Variants in MYO16 observed in about 807,000 individuals in gnomAD.
MYO16 encodes unconventional myosin-XVI.
In MYO16, 94 loss-of-function variants were observed where a neutral mutation model predicts 205.3. That is an observed-to-expected ratio of 0.46 (90% CI 0.39 to 0.54). The LOEUF is 0.54. MYO16 is among the 20% of genes least tolerant of loss of function. The probability of loss-of-function intolerance (pLI) is 0.00; values close to 1 mark genes in which losing one functional copy is unlikely to be tolerated. For missense variants in MYO16, 2,315 were observed against 2,387.5 expected, an observed-to-expected ratio of 0.97 and a Z score of 0.63; for synonymous variants, 988 against 954.0, an observed-to-expected ratio of 1.04 and a Z score of -0.66.
intron 4 of MYO16, among the ~76,000 whole-genome samples, chr13:108,736,952 G>A (rs140562934): frequency 8.1e-4 from 124 of 152,286 alleles, no homozygotes; most frequent in African/African-American, 2.8e-3. Context: ...TGTTATTCGT[G>A]TATAAGAATG....
At position 109,141,148 on chromosome 13, in the gene MYO16, C is replaced by A; in HGVS notation, c.4936C>A (p.Pro1646Thr). 1 of 1,602,534 alleles carries A rather than the reference C, an allele frequency of 6.2e-7. No homozygotes were observed. ...PKVHPKPNSA[P>T]VAGPCSSFPK... Reference sequence around the variant, plus strand: ...GGTTCACCCAAAGCCAAACTCTGCCCCCGTGGCCGGGCCCTGCAGCTCCTT... The same window carrying A: ...GGTTCACCCAAAGCCAAACTCTGCCACCGTGGCCGGGCCCTGCAGCTCCTT... The change falls in exon 32 of 35, where the codon CCC (proline) becomes ACC (threonine). Residue 1646 changes from proline (P) to threonine (T), a missense_variant. This residue lies in a region of MYO16 where 1,097 missense variants were observed against 1,092.0 expected (regional missense o/e 1.00). Coordinates refer to ENST00000457511, the MANE Select transcript of MYO16 (RefSeq NM_001198950.3). This position sits in a 1 kb window ranked among gnomAD's most constrained non-coding sequence, Gnocchi z 4.1.
At chr13:109,000,686 A>T (rs557187173) in intron 21 of MYO16, among the ~76,000 whole-genome samples, 13 of 152,310 alleles carry the variant, frequency 8.5e-5, no homozygotes, top group African/African-American at 3.1e-4. Context: ...AGAGCATTTT[A>T]ACCAGAGGTT....
At chr13:108,926,768 C>T (rs1328273307) in intron 16 of MYO16, among the ~76,000 whole-genome samples, 2 of 152,140 alleles carry the variant, frequency 1.3e-5, no homozygotes, top group Non-Finnish European at 2.9e-5. Context: ...TCTTTCCTTA[C>T]TGGAAGAATA....
chr13:108,840,964 C>A (rs567715632), intron 9 of MYO16, among the ~76,000 whole-genome samples: 1 of 152,242 alleles, frequency 6.6e-6, no homozygotes, highest in Non-Finnish European at 1.5e-5. Context: ...GTATTTCAAT[C>A]CTCACCAAAC....
At position 108,841,198 on chromosome 13, in the gene MYO16, C is replaced by T. The variant is rs1163147087; in HGVS notation, c.1098-3145C>T. Among the ~76,000 whole-genome samples, 6 of 152,238 alleles carry T rather than the reference C, an allele frequency of 3.9e-5. No individual in the cohort carries two copies. The South Asian group carries it at 6.2e-4, about 16-fold the overall frequency. On this transcript the variant is annotated intron_variant, in intron 9 of 34. Transcript: ENST00000457511. ...GTGTTGATTTAAGAATGAATGATTA[C>T]ATCAATGAATGATAATGAATGATTA... is the stretch of plus-strand genomic sequence containing the variant.
At chr13:109,120,514 G>A (rs373458886) in intron 29 of MYO16, 48 bp downstream of exon 29, 185 of 1,474,276 alleles carry the variant, frequency 1.3e-4, no homozygotes, top group African/African-American at 5.3e-4. Flanking sequence ...GTTGTGAAAT[G>A]CAAAATCTTT....
chr13:109,060,408 C>G (rs1007402958), intron 27 of MYO16, among the ~76,000 whole-genome samples: 4 of 151,856 alleles, frequency 2.6e-5, no homozygotes, highest in Non-Finnish European at 4.4e-5. Flanking sequence ...ACTGCATGTT[C>G]TCACTCATAA....
chr13:109,103,136 A>G (rs891075378), intron 28 of MYO16, among the ~76,000 whole-genome samples: 5 of 152,190 alleles, frequency 3.3e-5, no homozygotes, highest in Non-Finnish European at 5.9e-5. Flanking sequence ...AAAGGAAAAA[A>G]AGATTTTGTT....
Position 109,162,421 on chromosome 13 carries a change from C to T in MYO16, c.5165-2480C>T, listed in dbSNP as rs1487411618. Among the ~76,000 whole-genome samples the T allele has an allele frequency of 6.6e-6, 1 of 152,136 alleles. No individual in the cohort carries two copies. The highest frequency in any genetic ancestry group is 2.4e-5 in the African/African-American group (1 of 41,418). On this transcript the variant is annotated intron_variant, in intron 32 of 34. Coordinates refer to ENST00000457511, the MANE Select transcript of MYO16 (RefSeq NM_001198950.3). The surrounding 1 kb of genome is among the most constrained non-coding windows in gnomAD (Gnocchi z 4.6). ...GCCCTGACTCATTAGTACCTGGTTTCTTGAACATGGTGAGCTCTTTCCTGC... is the reference window on the plus strand; with the variant it reads ...GCCCTGACTCATTAGTACCTGGTTTTTTGAACATGGTGAGCTCTTTCCTGC...
intron 4 of MYO16, among the ~76,000 whole-genome samples, chr13:108,729,408 A>G (rs1884448749): frequency 1.3e-5 from 2 of 152,192 alleles, no homozygotes; most frequent in African/African-American, 4.8e-5. Context: ...TAGTTGTTTG[A>G]TACATTTTTT....
intron 2 of MYO16, among the ~76,000 whole-genome samples, chr13:108,703,763 T>C (rs1019516075): frequency 1.3e-5 from 2 of 152,166 alleles, no homozygotes; most frequent in African/African-American, 4.8e-5. Context: ...GTTATAAAAT[T>C]CACAAATACA....
intron 32 of MYO16, among the ~76,000 whole-genome samples, chr13:109,145,082 G>A (rs1877267095): frequency 6.6e-6 from 1 of 152,236 alleles, no homozygotes; most frequent in Non-Finnish European, 1.5e-5. Flanking sequence ...TGCAGATGAT[G>A]GATGTGACTG....
chr13:108,944,109 T>A, intron 16 of MYO16, among the ~76,000 whole-genome samples: 1 of 152,212 alleles, frequency 6.6e-6, no homozygotes, highest in East Asian at 1.9e-4. Context: ...TACTTCTGAC[T>A]CTGTCTCGTC....
At chr13:108,869,717 C>A (rs1281135614) in intron 12 of MYO16, among the ~76,000 whole-genome samples, 2 of 112,474 alleles carry the variant, frequency 1.8e-5, no homozygotes, top group Non-Finnish European at 3.3e-5. Context: ...GGCGACAGAG[C>A]GAGACTCCGT....
intron 1 of MYO16, among the ~76,000 whole-genome samples, chr13:108,601,002 C>A (rs1010120640): frequency 2.4e-4 from 37 of 151,974 alleles, no homozygotes; most frequent in African/African-American, 8.7e-4. Flanking sequence ...AAAAAGTAAT[C>A]CCAGGTCCTT....
chr13:108,830,557 C>A (rs1021790820), intron 9 of MYO16, among the ~76,000 whole-genome samples: 47 of 139,142 alleles, frequency 3.4e-4, no homozygotes, highest in Non-Finnish European at 5.4e-4. Flanking sequence ...GGGAATTGAA[C>A]AATGAGAACA....
At chr13:108,504,030 G>T in the MYO16 span, among the ~76,000 whole-genome samples, 1 of 152,022 alleles carries the variant, frequency 6.6e-6, no homozygotes, top group Non-Finnish European at 1.5e-5. Flanking sequence ...ACAACAAAAT[G>T]TATCATTTTA....
At chr13:108,769,231 A>T (rs1033455302) in intron 4 of MYO16, among the ~76,000 whole-genome samples, 2 of 152,124 alleles carry the variant, frequency 1.3e-5, no homozygotes, top group African/African-American at 4.8e-5. Flanking sequence ...TGGCTCTAGG[A>T]AGAAGCTGTA....
chr13:108,718,665 C>T (rs1884043155), intron 3 of MYO16, among the ~76,000 whole-genome samples: 1 of 152,028 alleles, frequency 6.6e-6, no homozygotes, highest in Non-Finnish European at 1.5e-5. Context: ...GGAGGGGCCA[C>T]GGACTGTGAA....
Sources: allele counts gnomAD v4.1 joint callset (sites outside exome capture counted in the v4.1 genomes callset), GRCh38; gene constraint gnomAD v4.1.1; regional missense constraint gnomAD v4.1.1; non-coding constraint Gnocchi (gnomAD v3.1); transcripts MANE v1.5; gene names NCBI Gene and HGNC (gene_info 2026-07-23, HGNC 2026-07-21).